The following PLEKHH1 variants were observed in gnomAD, a reference collection of about 807,000 sequenced individuals.
PLEKHH1 encodes pleckstrin homology domain-containing family H member 1.
A neutral mutation model predicts 160.0 loss-of-function variants in PLEKHH1; 104 were observed. That is an observed-to-expected ratio of 0.65 (90% CI 0.55 to 0.76). The LOEUF is 0.76. Ranked by LOEUF, PLEKHH1 falls within the 30% of genes least tolerant of loss-of-function variation. The probability of loss-of-function intolerance (pLI) is 0.00; values close to 1 mark genes in which losing one functional copy is unlikely to be tolerated. For missense variants in PLEKHH1, 1,427 were observed against 1,724.1 expected (o/e 0.83, Z 3.05); for synonymous variants, 619 against 678.4 (o/e 0.91, Z 1.36).
At chr14:67,585,760 T>G in intron 27 of PLEKHH1, 106 bp downstream of exon 27, 1 of 1,003,560 alleles carries the variant, frequency 1.0e-6, no homozygotes. Context: ...ATGGCTGCCC[T>G]ACCCCCACTC....
At chr14:67,553,474 G>A (rs2034476692) in intron 2 of PLEKHH1, among the ~76,000 whole-genome samples, 1 of 152,154 alleles carries the variant, frequency 6.6e-6, no homozygotes, top group South Asian at 2.1e-4. Context: ...GAACTATCCA[G>A]CAATCATGAC....
In PLEKHH1 at chr14:67,581,918, A is replaced by G. The variant is rs2035919688; in HGVS notation, c.3285-151A>G. The G allele has an allele frequency of 1.9e-5, 13 of 701,742 alleles. No individual in the cohort carries two copies. In the South Asian group the frequency reaches 2.1e-4, roughly 11 times the overall value. 43.5% of individuals were successfully genotyped at this position (701,742 alleles called of 1,614,324 possible). On this transcript the variant is annotated intron_variant, in intron 23 of 28. Coordinates refer to ENST00000329153, the MANE Select transcript of PLEKHH1 (RefSeq NM_020715.3). ...CATCTGCTCTGTGTCATACTCGGTT[A>G]TATGTTTCTGGAGGCAATACAAAAT...
chr14:67,587,220 G>A lies in PLEKHH1; in HGVS notation c.4080G>A (p.Gly1360=), dbSNP rs2036214633. The stretch of plus-strand genomic sequence containing the variant: ...CTTCTGTTTCCTGTGCTACCAAGGG[G>A]CCAACGTTGCTGTGAATATTTCTCC... ...FFSSVSCATK[G]PTLL The change falls in exon 29 of 29, where the codon GGG becomes GGA. Residue 1360 remains glycine, a synonymous_variant. Transcript: ENST00000329153. 1.1e-5 allele frequency: 18 copies of A among 1,613,670 alleles called. No individual in the cohort carries two copies. The East Asian group carries it at 4.0e-4, about 36-fold the overall frequency.
In PLEKHH1 at chr14:67,573,793, CT is replaced by C. The variant is rs756886999; in HGVS notation, c.1840-5del. 13 of 1,599,252 alleles carry C rather than the reference CT, an allele frequency of 8.1e-6. No individual in the cohort carries two copies. In the African/African-American group the frequency reaches 1.3e-4, roughly 16 times the overall value. ...CAGTGGCTCTCCTCTCCAATACTTT[CT>C]TTACAGAGTGATGTCATCCGGAAAC... On this transcript the variant is annotated splice_region_variant and splice_polypyrimidine_tract_variant and intron_variant, in intron 12 of 28. Transcript: ENST00000329153. The surrounding 1 kb of genome is among the most constrained non-coding windows in gnomAD (Gnocchi z 4.8).
chr14:67,552,533 C>T (rs562789370), intron 2 of PLEKHH1, among the ~76,000 whole-genome samples: 116 of 152,196 alleles, frequency 7.6e-4, no homozygotes, highest in Middle Eastern at 3.4e-3. Context: ...TTTGGGAGGC[C>T]GAGGTGGGCG....
At chr14:67,545,856 A>G (rs568412034) in intron 2 of PLEKHH1, among the ~76,000 whole-genome samples, 77 of 152,280 alleles carry the variant, frequency 5.1e-4, no homozygotes, top group African/African-American at 1.8e-3. Context: ...GACAGTACTA[A>G]TTGTTGTTTC....
At position 67,576,116 on chromosome 14, in the gene PLEKHH1, C is replaced by G. The variant is rs1469106613; in HGVS notation, c.2352+111C>G. The G allele has an allele frequency of 1.2e-5, 10 of 806,264 alleles. No individual in the cohort carries two copies. The highest frequency in any genetic ancestry group is 1.4e-5 in the Non-Finnish European group (7 of 506,220). 49.9% of individuals were successfully genotyped at this position (806,264 alleles called of 1,614,324 possible). ...ATTCAAATTTATTTCCTTTTGGACA[C>G]TTTGGCAACTAATATTCTCTGAATG... On this transcript the variant is annotated intron_variant, in intron 16 of 28. Coordinates refer to ENST00000329153, the MANE Select transcript of PLEKHH1 (RefSeq NM_020715.3). This position sits in a 1 kb window ranked among gnomAD's most constrained non-coding sequence, Gnocchi z 4.0.
At chr14:67,581,118 G>A in intron 23 of PLEKHH1, 80 bp downstream of exon 23, 2 of 874,950 alleles carry the variant, frequency 2.3e-6, no homozygotes, top group Non-Finnish European at 3.9e-6. Context: ...CGACTAGACA[G>A]CCTATCCAGA....
intron 2 of PLEKHH1, 94 bp downstream of exon 2, chr14:67,542,087 T>C (rs1253259414): frequency 5.9e-6 from 7 of 1,183,794 alleles, no homozygotes; most frequent in Non-Finnish European, 8.0e-6. Flanking sequence ...GAAAGTCAAC[T>C]TTCAGTAAGA....
chr14:67,576,014 G>T lies in PLEKHH1; in HGVS notation c.2352+9G>T. The T allele has an allele frequency of 6.2e-7, 1 of 1,602,722 alleles. No homozygotes were observed. Among genetic ancestry groups the T allele is most frequent in the South Asian group, 1.1e-5 (1 of 90,300 alleles). On this transcript the variant is annotated intron_variant, in intron 16 of 28. Coordinates refer to ENST00000329153, the MANE Select transcript of PLEKHH1 (RefSeq NM_020715.3). The surrounding 1 kb of genome is among the most constrained non-coding windows in gnomAD (Gnocchi z 4.0). Reference sequence around the variant, plus strand: ...GCACCAAGCATGAAAAGGTAAGGAAGAGGGCTGGGCCTCCAGGGCCAAGCT... The same window carrying T: ...GCACCAAGCATGAAAAGGTAAGGAATAGGGCTGGGCCTCCAGGGCCAAGCT...
At chr14:67,545,994 A>T (rs2034162234) in intron 2 of PLEKHH1, among the ~76,000 whole-genome samples, 1 of 152,230 alleles carries the variant, frequency 6.6e-6, no homozygotes, top group Non-Finnish European at 1.5e-5. Flanking sequence ...AACAGTTAGA[A>T]CCATTTAATG....
rs2140468439 is a variant in PLEKHH1, at chr14:67,571,757, T to C, written c.1440T>C (p.Ala480=). Residue 480 remains alanine, a synonymous_variant, in exon 10 of 29, where the codon GCT becomes GCC. Transcript: ENST00000329153. Reference sequence around the variant, plus strand: ...GGGAGGGGCCTGTCTTGCAGAGAGCTACACAGATCAGCAACATGCCCTTTA... The same window carrying C: ...GGGAGGGGCCTGTCTTGCAGAGAGCCACACAGATCAGCAACATGCCCTTTA... ...VPVYTALKGR[A]TQISNMPFMD... The C allele has an allele frequency of 1.2e-6, 2 of 1,613,934 alleles. No homozygotes were observed. The highest frequency in any genetic ancestry group is 1.1e-5 in the South Asian group (1 of 91,078).
At position 67,583,795 on chromosome 14, in the gene PLEKHH1, C is replaced by T. The variant is rs2036017107; in HGVS notation, c.3481C>T (p.Pro1161Ser). The change falls in exon 25 of 29, where the codon CCT becomes TCT. Residue 1161 changes from proline (P) to serine (S), a missense_variant. This residue lies in a region of PLEKHH1 where 436 missense variants were observed against 607.5 expected (regional missense o/e 0.72). Coordinates refer to ENST00000329153, the MANE Select transcript of PLEKHH1 (RefSeq NM_020715.3). The stretch of plus-strand genomic sequence containing the variant: ...CCTGCCAGGCCCTGGAGGCACATCC[C>T]CTGCCAAGGCTCAGCATCTTCTCCA... ...PALPGPGGTSPAKAQHLLQQV... is the reference protein window; with the variant it reads ...PALPGPGGTSSAKAQHLLQQV... 2.5e-6 allele frequency: 4 copies of T among 1,612,764 alleles called. No homozygotes were observed. Among genetic ancestry groups the T allele is most frequent in the Non-Finnish European group, 3.4e-6 (4 of 1,179,338 alleles).
intron 23 of PLEKHH1, 63 bp downstream of exon 23, chr14:67,581,101 G>A (rs1042504712): frequency 4.9e-6 from 5 of 1,014,254 alleles, no homozygotes; most frequent in East Asian, 2.4e-5. Flanking sequence ...CCAGCTCATC[G>A]CCTCCTCGAC....
intron 22 of PLEKHH1, 193 bp downstream of exon 22, chr14:67,580,069 C>A: frequency 1.7e-6 from 1 of 575,248 alleles, no homozygotes. Context: ...GTTGTGTGCC[C>A]TTGTCTCTGG....
At chr14:67,585,704 G>T (rs750568032) in intron 27 of PLEKHH1, 50 bp downstream of exon 27, 2 of 1,336,446 alleles carry the variant, frequency 1.5e-6, no homozygotes, top group Non-Finnish European at 2.1e-6. Context: ...CCTCAACATG[G>T]TCTTTTCTTC....
chr14:67,587,345 G>T lies in PLEKHH1; in HGVS notation c.*110G>T. On this transcript the variant is annotated 3_prime_UTR_variant, in exon 29 of 29. Coordinates refer to ENST00000329153, the MANE Select transcript of PLEKHH1 (RefSeq NM_020715.3). ...GGTCTAACAGCCCCCGGCTACTCTT[G>T]TTCTGTGAAATGTGTATTTTAGTCT... 8.1e-7 allele frequency: 1 copy of T among 1,241,614 alleles called. No homozygotes were observed. The highest frequency in any genetic ancestry group is 1.2e-5 in the South Asian group (1 of 82,254). The allele number at this position is 1,241,614 out of a possible 1,614,324, so 76.9% of individuals were successfully genotyped here. A position where few individuals can be genotyped will look rare whatever the true frequency, so the allele number is the denominator to read the frequency against.
rs2035648660 is a variant in PLEKHH1 at position 67,576,997 on chromosome 14, C to T, written c.2462-305C>T. ...TTTCTGACCAATTCATATGCCCCTC[C>T]ATCCAGACTTGACACAGTAAGAAAG... is the stretch of plus-strand genomic sequence containing the variant. On this transcript the variant is annotated intron_variant, in intron 17 of 28. Transcript: ENST00000329153. This position sits in a 1 kb window ranked among gnomAD's most constrained non-coding sequence, Gnocchi z 4.0. Among the ~76,000 whole-genome samples, 1 of 152,152 alleles carries T rather than the reference C, an allele frequency of 6.6e-6. No homozygotes were observed. Among genetic ancestry groups the T allele is most frequent in the African/African-American group, 2.4e-5 (1 of 41,422 alleles).
chr14:67,565,637 G>A lies in PLEKHH1; in HGVS notation c.1263+2743G>A, dbSNP rs974697210. On this transcript the variant is annotated intron_variant, in intron 7 of 28. Coordinates refer to ENST00000329153, the MANE Select transcript of PLEKHH1 (RefSeq NM_020715.3). ...GCTAAGGTCAGTCTTTGATTCATGG[G>A]CAGACATCCCCTCCACAGATGCTGC... 2.0e-5 allele frequency among the ~76,000 whole-genome samples: 3 copies of A among 152,142 alleles called. No homozygotes were observed. In the South Asian group the frequency reaches 6.2e-4, roughly 32 times the overall value.
Sources: allele counts gnomAD v4.1 joint callset (sites outside exome capture counted in the v4.1 genomes callset), GRCh38; gene constraint gnomAD v4.1.1; regional missense constraint gnomAD v4.1.1; non-coding constraint Gnocchi (gnomAD v3.1); transcripts MANE v1.5; gene names NCBI Gene and HGNC (gene_info 2026-07-23, HGNC 2026-07-21).